The following TNRC6A variants were observed in gnomAD, a reference collection of about 807,000 sequenced individuals.
TNRC6A encodes the protein trinucleotide repeat containing adaptor 6A, also known as trinucleotide repeat-containing gene 6A protein.
In TNRC6A, 44 loss-of-function variants were observed where a neutral mutation model predicts 221.2. The observed-to-expected ratio is 0.20, with a 90% CI of 0.16 to 0.26. The LOEUF (loss-of-function observed/expected upper bound fraction) is 0.26, where lower values mean the gene tolerates loss of function less well. Ranked by LOEUF, TNRC6A falls within the 10% of genes least tolerant of loss-of-function variation. The pLI is 1.00. For missense variants in TNRC6A, 2,199 were observed against 2,404.4 expected (o/e 0.91, Z 1.79); for synonymous variants, 847 against 838.5 (o/e 1.01, Z -0.18).
At chr16:24,624,686 G>A (rs185368235) in intron 1 of TNRC6A, among the ~76,000 whole-genome samples, 11 of 152,220 alleles carry the variant, frequency 7.2e-5, no homozygotes, top group Non-Finnish European at 1.5e-4. Context: ...GCTTCCCTAT[G>A]TTGCCCAGGC....
rs542643048 is a variant in TNRC6A at position 24,784,410 on chromosome 16, A to G, written c.590-4822A>G. Among the ~76,000 whole-genome samples the G allele has an allele frequency of 2.6e-5, 4 of 152,214 alleles. No homozygotes were observed. In the South Asian group the frequency reaches 6.2e-4, roughly 24 times the overall value. ...GCAATCACAACTCACTACAGCCTCA[A>G]CCTCCCAGGCTCAAGTGATCTTTCT... On this transcript the variant is annotated intron_variant, in intron 5 of 24. Coordinates refer to ENST00000395799, the MANE Select transcript of TNRC6A (RefSeq NM_014494.4).
chr16:24,730,739 CCG>C (rs1303580464), intron 2 of TNRC6A, among the ~76,000 whole-genome samples: 150 of 11,082 alleles, frequency 0.014, 1 homozygote, highest in South Asian at 0.026. Flanking sequence ...GCATTCCCCC[CCG>C]CCCCCCCCCC....
chr16:24,685,117 C>T (rs2055601163), intron 2 of TNRC6A, among the ~76,000 whole-genome samples: 1 of 152,118 alleles, frequency 6.6e-6, no homozygotes, highest in African/African-American at 2.4e-5. Flanking sequence ...ACTGGAAGCA[C>T]CTGCCCATCC....
chr16:24,726,362 C>CAAAAAAAAAAA (rs58809989), upstream of TNRC6A, among the ~76,000 whole-genome samples: 1 of 134,594 alleles, frequency 7.4e-6, no homozygotes, highest in Non-Finnish European at 1.6e-5. Context: ...CAAAAGATAC[C>CAAAAAAAAAAA]AAAAAAAAAA....
chr16:24,771,431 A>G (rs2057588643), intron 4 of TNRC6A, among the ~76,000 whole-genome samples: 1 of 152,166 alleles, frequency 6.6e-6, no homozygotes, highest in Admixed American at 6.5e-5. Flanking sequence ...GTCCTGGGAC[A>G]GTTTAGGTAA....
chr16:24,664,812 C>CAG (rs747146748), intron 2 of TNRC6A: 14 of 439,606 alleles, frequency 3.2e-5, no homozygotes, highest in Non-Finnish European at 5.4e-5. Context: ...CACACACACA[C>CAG]AAAACCTATA....
At chr16:24,814,847 G>A (rs2058623361) in intron 18 of TNRC6A, among the ~76,000 whole-genome samples, 1 of 152,112 alleles carries the variant, frequency 6.6e-6, no homozygotes, top group African/African-American at 2.4e-5. Context: ...AAGAACCCCT[G>A]AGCTATCATA....
intron 11 of TNRC6A, among the ~76,000 whole-genome samples, chr16:24,799,525 G>A (rs2058290273): frequency 6.6e-6 from 1 of 152,024 alleles, no homozygotes; most frequent in Non-Finnish European, 1.5e-5. Context: ...AATCACCCCA[G>A]AAATTCAGTC....
rs112917664 is a variant in TNRC6A at position 24,792,926 on chromosome 16, C to G, written c.3176-547C>G. 1.3e-4 allele frequency among the ~76,000 whole-genome samples: 19 copies of G among 151,858 alleles called. 1 individual carries two copies. The highest frequency in any genetic ancestry group is 3.1e-4 in the African/African-American group (13 of 41,396). On this transcript the variant is annotated intron_variant, in intron 6 of 24. Coordinates refer to ENST00000395799, the MANE Select transcript of TNRC6A (RefSeq NM_014494.4). Reference sequence around the variant, plus strand: ...GTCTCAGCCTCCTGAGTAGCTGGGACTACAGGTGTGTGCCACCACGCCCAG... The same window carrying G: ...GTCTCAGCCTCCTGAGTAGCTGGGAGTACAGGTGTGTGCCACCACGCCCAG...
chr16:24,690,247 T>C (rs1452854412), intron 2 of TNRC6A, among the ~76,000 whole-genome samples: 1 of 151,984 alleles, frequency 6.6e-6, no homozygotes, highest in Non-Finnish European at 1.5e-5. Flanking sequence ...TGACCTTAAG[T>C]GATCCTCCCA....
chr16:24,660,739 CTTTTTTT>C (rs58299677), intron 2 of TNRC6A, among the ~76,000 whole-genome samples: 3 of 91,288 alleles, frequency 3.3e-5, no homozygotes, highest in African/African-American at 1.4e-4. Flanking sequence ...TTTTTTTTTT[CTTTTTTT>C]TTTTTTTTTT....
intron 21 of TNRC6A, chr16:24,819,478 T>G (rs1411185874): frequency 1.3e-5 from 2 of 151,880 alleles, no homozygotes; most frequent in Admixed American, 1.3e-4. Context: ...TTCCTTTCCT[T>G]TCCTTTCTTC....
At chr16:24,702,239 A>C (rs2056000951) in intron 2 of TNRC6A, among the ~76,000 whole-genome samples, 1 of 140,814 alleles carries the variant, frequency 7.1e-6, no homozygotes, top group Non-Finnish European at 1.5e-5. Flanking sequence ...GTGCAATGGC[A>C]CAATCTTTCC....
intron 4 of TNRC6A, among the ~76,000 whole-genome samples, chr16:24,770,895 T>C (rs1379945568): frequency 6.6e-6 from 1 of 152,078 alleles, no homozygotes; most frequent in African/African-American, 2.4e-5. Flanking sequence ...AACTCTTTCA[T>C]GAGATCCATG....
At chr16:24,787,896 C>T (rs536640229) in intron 5 of TNRC6A, among the ~76,000 whole-genome samples, 8 of 152,294 alleles carry the variant, frequency 5.3e-5, no homozygotes, top group Middle Eastern at 3.4e-3. Flanking sequence ...AAGGTTGGCT[C>T]ATTAGGTCTG....
chr16:24,773,465 C>T (rs552271830), intron 4 of TNRC6A, among the ~76,000 whole-genome samples: 4 of 152,244 alleles, frequency 2.6e-5, no homozygotes, highest in African/African-American at 9.6e-5. Context: ...GAAATATCCA[C>T]TGTATTATTT....
chr16:24,740,851 G>A (rs1289153036), intron 2 of TNRC6A, among the ~76,000 whole-genome samples: 1 of 152,070 alleles, frequency 6.6e-6, no homozygotes, highest in African/African-American at 2.4e-5. Flanking sequence ...CTGTCTGTAT[G>A]CATTTGATTA....
At chr16:24,780,107 ATTG>A (rs1211383150) in intron 5 of TNRC6A, among the ~76,000 whole-genome samples, 1 of 152,186 alleles carries the variant, frequency 6.6e-6, no homozygotes, top group Non-Finnish European at 1.5e-5. Context: ...CAGGAGCAAT[ATTG>A]TTCTTATAGG....
intron 2 of TNRC6A, among the ~76,000 whole-genome samples, chr16:24,645,834 C>CAAAAAAAAA (rs36106864): frequency 0.012 from 324 of 26,628 alleles, 90 homozygotes; most frequent in Non-Finnish European, 0.013. Context: ...CCTGTATCTA[C>CAAAAAAAAA]AAAAAAAAAA....
Sources: gnomAD v4.1 joint callset for allele counts (sites outside exome capture counted in the v4.1 genomes callset) on GRCh38, gnomAD v4.1.1 for gene constraint, MANE v1.5 for transcripts, NCBI Gene and HGNC (gene_info 2026-07-23, HGNC 2026-07-21) for gene names.